Variants in RBM3 observed in about 807,000 individuals in gnomAD.
RBM3 encodes RNA binding motif protein 3.
RBM3 carries 3 observed loss-of-function variants against 12.0 expected under a neutral mutation model. The observed-to-expected ratio is 0.25, with a 90% CI of 0.11 to 0.65. The LOEUF (loss-of-function observed/expected upper bound fraction) is 0.65. RBM3 is among the 30% of genes least tolerant of loss of function. The pLI is 0.84. For missense variants in RBM3, 108 were observed against 134.5 expected, an observed-to-expected ratio of 0.80 and a Z score of 0.97; for synonymous variants, 58 against 45.7, an observed-to-expected ratio of 1.27 and a Z score of -1.08.
rs1317277804 is a variant in RBM3, at chrX:48,578,148, G to A, written c.*707G>A. The stretch of plus-strand genomic sequence containing the variant: ...ATTTTCTAATTCAGATCATCAAACT[G>A]ATTATATAGAAGAGTTGGCTTTAAA... On this transcript the variant is annotated 3_prime_UTR_variant, in exon 7 of 7. Transcript: ENST00000376759. 1 of 110,009 alleles carries A rather than the reference G, an allele frequency of 9.1e-6. No individual in the cohort carries two copies. Among genetic ancestry groups the A allele is most frequent in the Non-Finnish European group, 1.9e-5 (1 of 52,731 alleles). The allele number at this position is 110,009 out of a possible 1,213,427, so 9.1% of individuals were successfully genotyped here.
chrX:48,575,482 C>G, intron 2 of RBM3, 79 bp from the exon 3 acceptor site: 1 of 960,450 alleles, frequency 1.0e-6, no homozygotes, highest in African/African-American at 1.9e-5. Context: ...ATGCCATCTC[C>G]TTTTCCGGCC....
In RBM3 at chrX:48,575,674, C is replaced by T; in HGVS notation, c.210+7C>T. ...GAGAGCCATGAACGGAGAGGTGGGG[C>T]CTCCTATCTGCAGAGGGACCTTGTC... On this transcript the variant is annotated splice_region_variant and intron_variant, in intron 3 of 6. Coordinates refer to ENST00000376759, the MANE Select transcript of RBM3 (RefSeq NM_006743.5). 8.4e-7 allele frequency: 1 copy of T among 1,193,386 alleles called. No homozygotes were observed. Among genetic ancestry groups the T allele is most frequent in the Non-Finnish European group, 1.1e-6 (1 of 880,453 alleles).
rs782349217 is a variant in RBM3 at position 48,576,231 on chromosome X, T to C, written c.211-83T>C. ...CCCAGCAGGAATTTTTGGCCTCTTT[T>C]GCCCACTTACCCTTGCCTGCTCTTC... On this transcript the variant is annotated intron_variant, in intron 3 of 6. Coordinates refer to ENST00000376759, the MANE Select transcript of RBM3 (RefSeq NM_006743.5). 1.8e-5 allele frequency: 21 copies of C among 1,166,021 alleles called. No individual in the cohort carries two copies. In the East Asian group the frequency reaches 6.9e-4, roughly 38 times the overall value.
At position 48,575,559 on chromosome X, in the gene RBM3, A is replaced by G. The variant is rs113354592; in HGVS notation, c.104-2A>G. The G allele has an allele frequency of 1.7e-6, 2 of 1,203,976 alleles. No homozygotes were observed. The highest frequency in any genetic ancestry group is 6.0e-5 in the East Asian group (2 of 33,157). On this transcript the variant is annotated splice_acceptor_variant, in intron 2 of 6. Coordinates refer to ENST00000376759, the MANE Select transcript of RBM3 (RefSeq NM_006743.5). LOFTEE classifies it high-confidence loss of function. ...TTGCTCCATCTTCTCTCCCTCTCAC[A>G]GTGGTCGTTGTCAAGGACCGGGAGA...
In RBM3 at chrX:48,578,455, C is replaced by T. The variant is rs1165314011; in HGVS notation, c.*1014C>T. The T allele has an allele frequency of 1.8e-5, 2 of 110,491 alleles. No homozygotes were observed. Among genetic ancestry groups the T allele is most frequent in the Non-Finnish European group, 3.8e-5 (2 of 52,864 alleles). 9.1% of individuals were successfully genotyped at this position (110,491 alleles called of 1,213,427 possible). ...GGGCGTGGTGGCGGGTGCATGTAAT[C>T]CCAGCTACTCGGGAGGCTGAGGCAG... On this transcript the variant is annotated 3_prime_UTR_variant, in exon 7 of 7. Coordinates refer to ENST00000376759, the MANE Select transcript of RBM3 (RefSeq NM_006743.5).
chrX:48,577,231 C>T, intron 6 of RBM3, 122 bp downstream of exon 6: 3 of 1,149,019 alleles, frequency 2.6e-6, no homozygotes, highest in Non-Finnish European at 3.5e-6. Flanking sequence ...AGCCAACCTA[C>T]CAAACATTCC....
At chrX:48,575,708 C>A in intron 3 of RBM3, 41 bp downstream of exon 3, 1 of 1,125,162 alleles carries the variant, frequency 8.9e-7, no homozygotes, top group Non-Finnish European at 1.2e-6. Flanking sequence ...TCCCCATCTG[C>A]GGCTTCCTTC....
chrX:48,576,346 T>C lies in RBM3; in HGVS notation c.243T>C (p.His81=). 1 of 1,211,210 alleles carries C rather than the reference T, an allele frequency of 8.3e-7. No individual in the cohort carries two copies. Among genetic ancestry groups the C allele is most frequent in the Non-Finnish European group, 1.1e-6 (1 of 895,282 alleles). Residue 81 remains histidine (H), a synonymous_variant, in exon 4 of 7, where the codon CAT becomes CAC. Coordinates refer to ENST00000376759, the MANE Select transcript of RBM3 (RefSeq NM_006743.5). The stretch of plus-strand genomic sequence containing the variant: ...ATGGTCGTCAGATCCGTGTGGATCA[T>C]GCAGGCAAGTCTGCTCGGGGAACCA... ...SLDGRQIRVD[H]AGKSARGTRG... is the part of the protein sequence containing the mutation.
intron 6 of RBM3, 150 bp downstream of exon 6, chrX:48,577,259 C>T (rs1225248156): frequency 2.6e-5 from 29 of 1,112,877 alleles, no homozygotes; most frequent in Non-Finnish European, 3.4e-5. Flanking sequence ...GCCTTCCTTG[C>T]TCTCAGGTGC....
At position 48,577,366 on chromosome X, in the gene RBM3, G is replaced by C. The variant is rs1459818933; in HGVS notation, c.*24-99G>C. The stretch of plus-strand genomic sequence containing the variant: ...ATGGAGGAAATGAAGGTGTGTCCCT[G>C]TTGTCCAACCCTCAGCATCTTCATC... On this transcript the variant is annotated intron_variant, in intron 6 of 6. Transcript: ENST00000376759. 9.4e-6 allele frequency: 8 copies of C among 847,766 alleles called. No homozygotes were observed. In the African/African-American group the frequency reaches 1.6e-4, roughly 17 times the overall value. The allele number at this position is 847,766 out of a possible 1,213,427, so 69.9% of individuals were successfully genotyped here.
At chrX:48,575,405 A>G (rs1249186363) in intron 2 of RBM3, 122 bp downstream of exon 2, 6 of 823,439 alleles carry the variant, frequency 7.3e-6, no homozygotes, top group East Asian at 6.8e-5. Flanking sequence ...TCCTAAGCCT[A>G]TGGTGTAGAC....
At position 48,577,521 on chromosome X, in the gene RBM3, A is replaced by G; in HGVS notation, c.*80A>G. 9.8e-7 allele frequency: 1 copy of G among 1,017,993 alleles called. No homozygotes were observed. The highest frequency in any genetic ancestry group is 1.3e-6 in the Non-Finnish European group (1 of 779,850). The allele number at this position is 1,017,993 out of a possible 1,213,427, so 83.9% of individuals were successfully genotyped here. A position where few individuals can be genotyped will look rare whatever the true frequency, so the allele number is the denominator to read the frequency against. On this transcript the variant is annotated 3_prime_UTR_variant, in exon 7 of 7. Transcript: ENST00000376759. Reference sequence around the variant, plus strand: ...GTCCTTCCAAATGGCTGTATTTATAAAGGTTTTTGGAGCTGCACCGAAGCA... The same window carrying G: ...GTCCTTCCAAATGGCTGTATTTATAGAGGTTTTTGGAGCTGCACCGAAGCA...
rs370898721 is a variant in RBM3, at chrX:48,578,599, A to G, written c.*1158A>G. The G allele has an allele frequency of 1.2e-4, 13 of 108,809 alleles. No homozygotes were observed. The East Asian group carries it at 3.1e-3, about 26-fold the overall frequency. 9.0% of individuals were successfully genotyped at this position (108,809 alleles called of 1,213,427 possible). On this transcript the variant is annotated 3_prime_UTR_variant, in exon 7 of 7. Coordinates refer to ENST00000376759, the MANE Select transcript of RBM3 (RefSeq NM_006743.5). The stretch of plus-strand genomic sequence containing the variant: ...AAAAAAAAAATGGCACATCAACGAG[A>G]GGGAGGCTTGGAGAATATTTGGTTG...
At chrX:48,576,960 A>T (rs1556989435) in intron 5 of RBM3, 66 bp from the exon 6 acceptor site, 3 of 1,138,335 alleles carry the variant, frequency 2.6e-6, no homozygotes, top group Non-Finnish European at 3.6e-6. Context: ...AATGTGACGC[A>T]TATAATTACA....
chrX:48,576,588 A>G lies in RBM3; in HGVS notation c.397A>G (p.Arg133Gly). The stretch of plus-strand genomic sequence containing the variant: ...GTATGGATATGGATATGGACGTTCC[A>G]GAGACTATAATGGCAGGTGGGTAGC... The part of the protein sequence containing the change: ...GGYGYGYGRS[R>G]DYNGRNQGGY... Residue 133 changes from arginine (R) to glycine (G), a missense_variant, in exon 5 of 7, where the codon AGA (arginine) becomes GGA (glycine). By Grantham distance (125) the Arg-to-Gly change is moderately radical. Coordinates refer to ENST00000376759, the MANE Select transcript of RBM3 (RefSeq NM_006743.5). The G allele has an allele frequency of 1.7e-6, 2 of 1,176,548 alleles. No individual in the cohort carries two copies. The highest frequency in any genetic ancestry group is 2.3e-6 in the Non-Finnish European group (2 of 877,374).
At chrX:48,575,495 C>T (rs782641895) in intron 2 of RBM3, 66 bp from the exon 3 acceptor site, 45 of 1,020,208 alleles carry the variant, frequency 4.4e-5, no homozygotes, top group Non-Finnish European at 5.5e-5. Context: ...TTCCGGCCAC[C>T]CTTTGCTACT....
At position 48,577,637 on chromosome X, in the gene RBM3, A is replaced by AT. The variant is rs1329796526; in HGVS notation, c.*202dup. On this transcript the variant is annotated 3_prime_UTR_variant, in exon 7 of 7. Coordinates refer to ENST00000376759, the MANE Select transcript of RBM3 (RefSeq NM_006743.5). Reference sequence around the variant, plus strand: ...TAGACAGTTCCATCTTTTTTTTTAAATTTTTTCTGCCTATTTAAAGACAAA... The same window carrying AT: ...TAGACAGTTCCATCTTTTTTTTTAAATTTTTTTCTGCCTATTTAAAGACAAA... The AT allele has an allele frequency of 1.6e-5, 5 of 312,408 alleles. No individual in the cohort carries two copies. The highest frequency in any genetic ancestry group is 2.3e-5 in the Non-Finnish European group (5 of 216,142). The allele number at this position is 312,408 out of a possible 1,213,427, so 25.7% of individuals were successfully genotyped here. A position where few individuals can be genotyped will look rare whatever the true frequency, so the allele number is the denominator to read the frequency against.
chrX:48,577,292 G>A (rs2062085282), intron 6 of RBM3, 173 bp from the exon 7 acceptor site: 1 of 1,039,321 alleles, frequency 9.6e-7, no homozygotes, highest in Non-Finnish European at 1.3e-6. Flanking sequence ...GTTTGCTAGG[G>A]GGTGGGATCT....
intron 5 of RBM3, 46 bp downstream of exon 5, chrX:48,576,650 C>CT (rs1556989356): frequency 8.7e-7 from 1 of 1,152,421 alleles, no homozygotes; most frequent in Non-Finnish European, 1.2e-6. Context: ...CTTCCCTCTC[C>CT]TTAAGAACTC....
Sources: gnomAD v4.1 joint callset for allele counts on GRCh38, gnomAD v4.1.1 for gene constraint, MANE v1.5 for transcripts, NCBI Gene and HGNC (gene_info 2026-07-23, HGNC 2026-07-21) for gene names.